The following WDR91 variants were observed in gnomAD, a reference collection of about 807,000 sequenced individuals.
WDR91 encodes the protein WD repeat domain 91.
In WDR91, 52 loss-of-function variants were observed where a neutral mutation model predicts 88.4. The observed-to-expected ratio is 0.59, with a 90% CI of 0.47 to 0.74. WDR91 has a LOEUF of 0.74. Ranked by LOEUF, WDR91 falls within the 30% of genes least tolerant of loss-of-function variation. The probability of loss-of-function intolerance (pLI) is 0.00; values close to 1 mark genes in which losing one functional copy is unlikely to be tolerated. For synonymous variants in WDR91, 362 were observed against 389.5 expected (o/e 0.93, Z 0.83); for missense variants, 824 against 954.5 (o/e 0.86, Z 1.80).
rs533918935 is a variant in WDR91 at position 135,198,149 on chromosome 7, G to T, written c.894C>A (p.Gly298=). 84 of 1,610,856 alleles carry T rather than the reference G, an allele frequency of 5.2e-5. No individual in the cohort carries two copies. In the South Asian group the frequency reaches 8.7e-4, roughly 17 times the overall value. The change falls in exon 7 of 15, where the codon GGC becomes GGA. Residue 298 remains glycine (G), a splice_region_variant and synonymous_variant. Transcript: ENST00000354475. ...CGGACGTCGGGTCCTTTCCCTTGGTGCCCTAGAGGAAAAGAAGCTGGCTGT... is the reference window on the plus strand; with the variant it reads ...CGGACGTCGGGTCCTTTCCCTTGGTTCCCTAGAGGAAAAGAAGCTGGCTGT... ...SAKKESFGGQ[G]TKGKDPTSGA...
chr7:135,205,094 C>T (rs1160589920), intron 5 of WDR91, among the ~76,000 whole-genome samples: 1 of 151,176 alleles, frequency 6.6e-6, no homozygotes, highest in Non-Finnish European at 1.5e-5. Flanking sequence ...CCTGTGTGTA[C>T]CTCTGTTTCT....
intron 9 of WDR91, among the ~76,000 whole-genome samples, chr7:135,194,251 G>GGTGTCTCACAGGAATATTAGGTAGA (rs1831280021): frequency 6.6e-6 from 1 of 152,214 alleles, no homozygotes; most frequent in African/African-American, 2.4e-5. Flanking sequence ...CAGGTCTGAG[G>GGTGTCTCACAGGAATATTAGGTAGA]GTGTCTCACA....
intron 6 of WDR91, among the ~76,000 whole-genome samples, chr7:135,200,477 C>CT (rs1209910306): frequency 6.6e-6 from 1 of 152,186 alleles, no homozygotes; most frequent in East Asian, 1.9e-4. Flanking sequence ...CTGGAAGCTT[C>CT]TTCTACTGTG....
chr7:135,197,127 A>C (rs1831404221), intron 7 of WDR91: 1 of 152,140 alleles, frequency 6.6e-6, no homozygotes, highest in South Asian at 2.1e-4. Context: ...GTGCTTCCTC[A>C]GAGAGGCAGG....
At chr7:135,189,039 G>A (rs962535814) in intron 12 of WDR91, among the ~76,000 whole-genome samples, 2 of 152,214 alleles carry the variant, frequency 1.3e-5, no homozygotes, top group African/African-American at 2.4e-5. Context: ...AAGTAGGTAG[G>A]ACAGCAGTAC....
rs1235863127 is a variant in WDR91 at position 135,193,646 on chromosome 7, T to A, written c.1422A>T (p.Thr474=). Residue 474 remains threonine (T), a synonymous_variant, in exon 10 of 15, where the codon ACA becomes ACT. Coordinates refer to ENST00000354475, the MANE Select transcript of WDR91 (RefSeq NM_014149.4). The part of the protein sequence containing the change: ...RLLLLGSGVG[T]VRLYDTEAKK... Reference sequence around the variant, plus strand: ...TGGCTTCCGTGTCATAGAGACGCACTGTTCCCACACCACTGCCCAGCAAGA... The same window carrying A: ...TGGCTTCCGTGTCATAGAGACGCACAGTTCCCACACCACTGCCCAGCAAGA... 4 of 1,614,016 alleles carry A rather than the reference T, an allele frequency of 2.5e-6. No homozygotes were observed. The highest frequency in any genetic ancestry group is 8.5e-7 in the Non-Finnish European group (1 of 1,180,000).
At chr7:135,208,450 C>T (rs571698459) in intron 3 of WDR91, among the ~76,000 whole-genome samples, 2 of 152,296 alleles carry the variant, frequency 1.3e-5, no homozygotes, top group African/African-American at 4.8e-5. Context: ...GTTTCATGCA[C>T]AGAGAGGGTA....
chr7:135,207,053 C>G (rs757642567), intron 4 of WDR91, 67 bp downstream of exon 4: 385 of 1,369,338 alleles, frequency 2.8e-4, no homozygotes, highest in Non-Finnish European at 3.6e-4. Context: ...TGTTCCACTG[C>G]CACTACCTAA....
intron 11 of WDR91, among the ~76,000 whole-genome samples, chr7:135,190,059 C>A (rs1179698622): frequency 6.6e-6 from 1 of 152,078 alleles, no homozygotes; most frequent in Admixed American, 6.5e-5. Flanking sequence ...TAAAAGAATC[C>A]TCTAGGGCCA....
In WDR91 at chr7:135,186,019, C is replaced by T; in HGVS notation, c.*132G>A. 8.1e-6 allele frequency: 9 copies of T among 1,111,126 alleles called. No individual in the cohort carries two copies. Among genetic ancestry groups the T allele is most frequent in the Non-Finnish European group, 6.1e-6 (5 of 817,148 alleles). 68.8% of individuals were successfully genotyped at this position (1,111,126 alleles called of 1,614,324 possible). On this transcript the variant is annotated 3_prime_UTR_variant, in exon 15 of 15. Coordinates refer to ENST00000354475, the MANE Select transcript of WDR91 (RefSeq NM_014149.4). ...CCACAGATGGAAGCACCTGAGCCTCCTTGCCAGTCTTTCCCTGCAGAGTCA... is the reference window on the plus strand; with the variant it reads ...CCACAGATGGAAGCACCTGAGCCTCTTTGCCAGTCTTTCCCTGCAGAGTCA...
At chr7:135,205,005 T>C (rs921289679) in intron 5 of WDR91, among the ~76,000 whole-genome samples, 2 of 152,202 alleles carry the variant, frequency 1.3e-5, no homozygotes, top group Non-Finnish European at 2.9e-5. Flanking sequence ...TTTCATCTGG[T>C]GCAATACTTG....
chr7:135,195,926 G>C (rs1253006930), intron 8 of WDR91, among the ~76,000 whole-genome samples: 6 of 151,580 alleles, frequency 4.0e-5, no homozygotes, highest in Non-Finnish European at 8.8e-5. Flanking sequence ...CAGCCTAGGT[G>C]ACAGAGCAAG....
At chr7:135,197,933 C>T (rs1309651613) in intron 7 of WDR91, 60 bp downstream of exon 7, 1 of 1,572,214 alleles carries the variant, frequency 6.4e-7, no homozygotes, top group East Asian at 2.3e-5. Flanking sequence ...AGAAGACCCC[C>T]CACAGTGTTC....
At position 135,193,592 on chromosome 7, in the gene WDR91, G is replaced by A. The variant is rs377706065; in HGVS notation, c.1476C>T (p.Asn492=). The A allele has an allele frequency of 2.7e-5, 43 of 1,614,048 alleles. No individual in the cohort carries two copies. The East Asian group carries it at 4.0e-4, about 15-fold the overall frequency. ...TTCCAGTTCACCTGGGCATGTTGTCGTTGATATTGATTTCACAGAGATTCT... is the reference window on the plus strand; with the variant it reads ...TTCCAGTTCACCTGGGCATGTTGTCATTGATATTGATTTCACAGAGATTCT... ...AKKNLCEINI[N]DNMPRILSLA... Residue 492 remains asparagine (N), a synonymous_variant, in exon 10 of 15, where the codon AAC becomes AAT. Transcript: ENST00000354475.
At position 135,188,452 on chromosome 7, in the gene WDR91, C is replaced by T; in HGVS notation, c.1862G>A (p.Ser621Asn). Reference protein sequence around the residue: ...EFSYDENTVYSIGEDGKFIQW... With the variant: ...EFSYDENTVYNIGEDGKFIQW... ...GCCTACCTTCCCGTCCTCGCCGATG[C>T]TGTACACGGTGTTCTCATCATAGCT... Residue 621 changes from serine (S) to asparagine (N), a missense_variant, in exon 13 of 15, where the codon AGC becomes AAC. Coordinates refer to ENST00000354475, the MANE Select transcript of WDR91 (RefSeq NM_014149.4). The T allele has an allele frequency of 6.2e-7, 1 of 1,614,076 alleles. No homozygotes were observed. The highest frequency in any genetic ancestry group is 1.3e-5 in the African/African-American group (1 of 75,048).
At position 135,189,673 on chromosome 7, in the gene WDR91, T is replaced by C. The variant is rs147229118; in HGVS notation, c.1660-221A>G. Among the ~76,000 whole-genome samples the C allele has an allele frequency of 4.6e-5, 7 of 152,342 alleles. No individual in the cohort carries two copies. In the East Asian group the frequency reaches 5.8e-4, roughly 13 times the overall value. Reference sequence around the variant, plus strand: ...GTGCCTAAATACATTCTGGTTTCCATAGAGAAATGATAATCCATGCTTGCT... The same window carrying C: ...GTGCCTAAATACATTCTGGTTTCCACAGAGAAATGATAATCCATGCTTGCT... On this transcript the variant is annotated intron_variant, in intron 11 of 14. Coordinates refer to ENST00000354475, the MANE Select transcript of WDR91 (RefSeq NM_014149.4).
chr7:135,190,764 T>C (rs1427939614), intron 11 of WDR91, among the ~76,000 whole-genome samples: 1 of 152,092 alleles, frequency 6.6e-6, no homozygotes, highest in Non-Finnish European at 1.5e-5. Flanking sequence ...AGATTAGATA[T>C]AGTAGAGGAG....
intron 3 of WDR91, 199 bp from the exon 4 acceptor site, chr7:135,207,401 T>C (rs1198758259): frequency 1.7e-6 from 1 of 583,506 alleles, no homozygotes. Flanking sequence ...TCTGGCCTCA[T>C]TTCATTCGGA....
rs986104885 is a variant in WDR91 at position 135,206,026 on chromosome 7, C to T, written c.627G>A (p.Leu209=). 1 of 1,614,236 alleles carries T rather than the reference C, an allele frequency of 6.2e-7. No individual in the cohort carries two copies. The change falls in exon 5 of 15, where the codon CTG becomes CTA. Residue 209 remains leucine, a synonymous_variant. Transcript: ENST00000354475. ...LFALQAEIHR[L]KKEEQQPEEE... is the part of the protein sequence containing the mutation. ...CTTCTGGCTGTTGCTCCTCTTTCTT[C>T]AGTCGGTGGATTTCAGCTTGCAATG...
Sources: allele counts gnomAD v4.1 joint callset (sites outside exome capture counted in the v4.1 genomes callset), GRCh38; gene constraint gnomAD v4.1.1; transcripts MANE v1.5; gene names NCBI Gene and HGNC (gene_info 2026-07-23, HGNC 2026-07-21).